TNIK: variants seen among roughly 807,000 people sequenced by gnomAD.
TNIK encodes TRAF2 and NCK interacting kinase, also known as TRAF2 and NCK-interacting protein kinase.
TNIK carries 49 observed loss-of-function variants against 191.3 expected under a neutral mutation model. The observed-to-expected ratio is 0.26, with a 90% CI of 0.20 to 0.32. TNIK has a LOEUF of 0.32. Ranked by LOEUF, TNIK falls within the 10% of genes least tolerant of loss-of-function variation. The probability of loss-of-function intolerance (pLI) is 1.00; values close to 1 mark genes in which losing one functional copy is unlikely to be tolerated. For missense variants in TNIK, 1,155 were observed against 1,702.3 expected (o/e 0.68, Z 5.66); for synonymous variants, 594 against 600.9 (o/e 0.99, Z 0.17).
Position 171,079,635 on chromosome 3 carries a change from G to A in TNIK, c.3331C>T (p.Arg1111Ter), listed in dbSNP as rs1335166265. 4 of 1,611,016 alleles carry A rather than the reference G, an allele frequency of 2.5e-6. No individual in the cohort carries two copies. Among genetic ancestry groups the A allele is most frequent in the Non-Finnish European group, 2.5e-6 (3 of 1,178,582 alleles). ...VTISGKKNKL[R>*]VYYLSWLRNR... ...CTTAACCATGAAAGATAGTAAACTC[G>A]TAGCTTATTCTTCTTTCCTGTTGAA... The change falls in exon 28 of 33, where the codon CGA (arginine) becomes TGA (stop). Residue 1111 changes from arginine (R) to a stop codon, truncating the protein, a stop_gained. Coordinates refer to ENST00000436636, the MANE Select transcript of TNIK (RefSeq NM_015028.4). LOFTEE classifies it high-confidence loss of function.
intron 2 of TNIK, among the ~76,000 whole-genome samples, chr3:171,354,573 G>A (rs1713735820): frequency 6.6e-6 from 1 of 152,122 alleles, no homozygotes; most frequent in Non-Finnish European, 1.5e-5. Context: ...ATGAGCAAAT[G>A]GGCCTCATAA....
At chr3:171,254,196 T>G (rs1167179385) in intron 2 of TNIK, among the ~76,000 whole-genome samples, 1 of 152,194 alleles carries the variant, frequency 6.6e-6, no homozygotes, top group African/African-American at 2.4e-5. Context: ...TATATTGATC[T>G]TAATGTAGCG....
Position 171,061,439 on chromosome 3 carries a change from TTTC to T in TNIK, c.*2439_*2441del, listed in dbSNP as rs1212570463. ...GTAAACAAGACTGCATTAATATTGT[TTTC>T]TTATGATTTGTTTCAATGACTCTAG... On this transcript the variant is annotated 3_prime_UTR_variant, in exon 33 of 33. Transcript: ENST00000436636. 1.3e-5 allele frequency: 2 copies of T among 152,242 alleles called. No homozygotes were observed. The highest frequency in any genetic ancestry group is 4.8e-5 in the African/African-American group (2 of 41,472). 9.4% of individuals were successfully genotyped at this position (152,242 alleles called of 1,614,324 possible).
intron 2 of TNIK, among the ~76,000 whole-genome samples, chr3:171,253,605 C>A: frequency 7.3e-6 from 1 of 137,678 alleles, no homozygotes; most frequent in African/African-American, 2.7e-5. Context: ...CCCCACCCCA[C>A]CCCCAGTTAT....
chr3:171,348,449 TG>T (rs1283413112), intron 2 of TNIK, among the ~76,000 whole-genome samples: 27 of 152,000 alleles, frequency 1.8e-4, no homozygotes, highest in African/African-American at 6.5e-4. Context: ...TTGAAGAGGA[TG>T]GGGTGGTTAC....
chr3:171,380,884 T>C (rs1033904840), intron 1 of TNIK, among the ~76,000 whole-genome samples: 1 of 152,242 alleles, frequency 6.6e-6, no homozygotes, highest in African/African-American at 2.4e-5. Flanking sequence ...CAGAGCCATG[T>C]AGGAACAGCC....
At chr3:171,065,525 A>G (rs1196169048) in intron 32 of TNIK, among the ~76,000 whole-genome samples, 2 of 152,216 alleles carry the variant, frequency 1.3e-5, no homozygotes, top group Admixed American at 6.5e-5. Flanking sequence ...TGGCTTAGCT[A>G]CTAAAACCTC....
chr3:171,090,399 TTC>T (rs1721901818), intron 23 of TNIK, among the ~76,000 whole-genome samples: 1 of 151,708 alleles, frequency 6.6e-6, no homozygotes, highest in African/African-American at 2.4e-5. Flanking sequence ...TTAAAAAATG[TTC>T]TTTTTTTTCT....
chr3:171,229,729 T>C (rs1323314259), intron 2 of TNIK, among the ~76,000 whole-genome samples: 1 of 152,178 alleles, frequency 6.6e-6, no homozygotes, highest in East Asian at 1.9e-4. Flanking sequence ...CTGATTCTGA[T>C]GGTGCTTCCT....
intron 12 of TNIK, among the ~76,000 whole-genome samples, chr3:171,157,004 G>A (rs1733272243): frequency 6.6e-6 from 1 of 152,198 alleles, no homozygotes; most frequent in South Asian, 2.1e-4. Flanking sequence ...ACATGCTAGA[G>A]ATACATCAGG....
At chr3:171,108,666 T>G (rs1285686845) in intron 19 of TNIK, among the ~76,000 whole-genome samples, 2 of 152,338 alleles carry the variant, frequency 1.3e-5, no homozygotes, top group Non-Finnish European at 2.9e-5. Context: ...TCTTTTATCA[T>G]TTGTCCAATC....
chr3:171,107,590 T>TA (rs1185484008), intron 20 of TNIK, among the ~76,000 whole-genome samples: 12 of 152,192 alleles, frequency 7.9e-5, no homozygotes, highest in African/African-American at 2.4e-4. Context: ...GCTAAGTTGT[T>TA]ACGACGCCTG....
At chr3:171,110,579 GC>G in intron 19 of TNIK, 134 bp downstream of exon 19, 5 of 1,166,588 alleles carry the variant, frequency 4.3e-6, no homozygotes, top group Non-Finnish European at 5.9e-6. Context: ...GGGGTTGAGA[GC>G]AGTTGACAGG....
intron 2 of TNIK, among the ~76,000 whole-genome samples, chr3:171,357,954 G>A (rs1714381673): frequency 6.6e-6 from 1 of 152,112 alleles, no homozygotes; most frequent in Admixed American, 6.5e-5. Context: ...GTAGAACTGT[G>A]CTCCCTGGAG....
intron 1 of TNIK, among the ~76,000 whole-genome samples, chr3:171,438,736 A>G (rs1411394776): frequency 6.6e-6 from 1 of 152,206 alleles, no homozygotes; most frequent in East Asian, 1.9e-4. Flanking sequence ...GTTTTTCATA[A>G]GAAAGTGTCT....
chr3:171,110,499 T>G (rs1372520674), intron 19 of TNIK, among the ~76,000 whole-genome samples: 3 of 152,082 alleles, frequency 2.0e-5, no homozygotes, highest in Non-Finnish European at 2.9e-5. Context: ...GTATCTGAGA[T>G]TAGAAAGGAT....
intron 18 of TNIK, among the ~76,000 whole-genome samples, chr3:171,122,557 C>G (rs1001466732): frequency 2.0e-5 from 3 of 152,168 alleles, no homozygotes; most frequent in African/African-American, 7.2e-5. Context: ...AGTATAGTTT[C>G]ATGTTATTGC....
chr3:171,102,697 A>G (rs967261042), intron 21 of TNIK, among the ~76,000 whole-genome samples: 5 of 152,166 alleles, frequency 3.3e-5, no homozygotes, highest in Admixed American at 1.3e-4. Flanking sequence ...TTAGGGAGAA[A>G]GAAACTCATT....
chr3:171,456,588 A>G (rs1728821979), intron 1 of TNIK, among the ~76,000 whole-genome samples: 2 of 152,180 alleles, frequency 1.3e-5, no homozygotes, highest in African/African-American at 4.8e-5. Context: ...CAGAGAGGTT[A>G]CCTGTGCAGG....
Sources: allele counts gnomAD v4.1 joint callset (sites outside exome capture counted in the v4.1 genomes callset), GRCh38; gene constraint gnomAD v4.1.1; transcripts MANE v1.5; gene names NCBI Gene and HGNC (gene_info 2026-07-23, HGNC 2026-07-21).